DIP2C: variants seen among roughly 807,000 people sequenced by gnomAD.
The protein encoded by DIP2C is DIP2 acetate--CoA ligase C (putative).
DIP2C carries 33 observed loss-of-function variants against 192.4 expected under a neutral mutation model. The observed-to-expected ratio is 0.17, with a 90% confidence interval of 0.13 to 0.23. The LOEUF is 0.23. Among genes scored for constraint, DIP2C ranks in the 10% least tolerant of loss-of-function variants. DIP2C has a pLI of 1.00. For synonymous variants in DIP2C, 979 were observed against 864.1 expected, an observed-to-expected ratio of 1.13 and a Z score of -2.33; for missense variants, 1,537 against 2,110.1, an observed-to-expected ratio of 0.73 and a Z score of 5.32.
chr10:506,724 G>A (rs1157958329), intron 1 of DIP2C, among the ~76,000 whole-genome samples: 7 of 152,164 alleles, frequency 4.6e-5, no homozygotes, highest in Non-Finnish European at 2.9e-5. Context: ...CTATTTGCCG[G>A]CCACAGCCTG....
intron 1 of DIP2C, among the ~76,000 whole-genome samples, chr10:583,983 G>A (rs1366973069): frequency 1.3e-5 from 2 of 152,186 alleles, no homozygotes; most frequent in South Asian, 2.1e-4. Flanking sequence ...GCGGGGGCCA[G>A]GGTGCTGGGT....
At chr10:376,901 T>A (rs1345670848) in intron 17 of DIP2C, among the ~76,000 whole-genome samples, 2 of 152,252 alleles carry the variant, frequency 1.3e-5, no homozygotes, top group African/African-American at 2.4e-5. Flanking sequence ...CCTTTTTCGA[T>A]GTTTAGCGTG....
chr10:548,659 T>C lies in DIP2C; in HGVS notation c.86-62129A>G, dbSNP rs370438715. Among the ~76,000 whole-genome samples, 401 of 145,824 alleles carry C rather than the reference T, an allele frequency of 2.7e-3. 3 individuals carry two copies. Among genetic ancestry groups the C allele is most frequent in the African/African-American group, 9.7e-3 (383 of 39,328 alleles). On this transcript the variant is annotated intron_variant, in intron 1 of 36. Transcript: ENST00000280886. The stretch of plus-strand genomic sequence containing the variant: ...GGAGGAGATGTGGCCAGAGGTGATG[T>C]GGCCGGGGGAGGAGACATGGCTGGA...
chr10:563,332 T>C (rs1490842959), intron 1 of DIP2C, among the ~76,000 whole-genome samples: 1 of 152,176 alleles, frequency 6.6e-6, no homozygotes, highest in Non-Finnish European at 1.5e-5. Flanking sequence ...TCCGTAATGG[T>C]GGTAATAATA....
chr10:541,257 T>C (rs1174464777), intron 1 of DIP2C, among the ~76,000 whole-genome samples: 1 of 152,154 alleles, frequency 6.6e-6, no homozygotes, highest in Non-Finnish European at 1.5e-5. Context: ...AGGTGTCCTC[T>C]GTCACAGACA....
At chr10:280,871 C>A (rs547801885) in intron 36 of DIP2C, among the ~76,000 whole-genome samples, 1 of 152,302 alleles carries the variant, frequency 6.6e-6, no homozygotes, top group African/African-American at 2.4e-5. Flanking sequence ...ATTTTCTGTG[C>A]CTACATATGT....
Position 595,900 on chromosome 10 carries a change from TAAC to T in DIP2C, c.85+93591_85+93593del, listed in dbSNP as rs565211791. ...CCATCGTTCTTGATAAAGGGATGGT[TAAC>T]AAACTAACTGTTCTGATTAGAAAGC... On this transcript the variant is annotated intron_variant, in intron 1 of 36. Transcript: ENST00000280886. 2.3e-3 allele frequency among the ~76,000 whole-genome samples: 349 copies of T among 152,346 alleles called. 3 individuals are homozygous for T. The highest frequency in any genetic ancestry group is 7.8e-3 in the African/African-American group (326 of 41,584).
intron 1 of DIP2C, among the ~76,000 whole-genome samples, chr10:575,868 GAAAC>G (rs1009147222): frequency 6.6e-6 from 1 of 152,222 alleles, no homozygotes; most frequent in African/African-American, 2.4e-5. Context: ...GCAACAATGA[GAAAC>G]AATCTGGTCT....
chr10:605,991 C>T (rs530653538), intron 1 of DIP2C, among the ~76,000 whole-genome samples: 8 of 152,336 alleles, frequency 5.3e-5, no homozygotes, highest in African/African-American at 1.7e-4. Context: ...CCCCCACTTC[C>T]GGCTCCTGTA....
At chr10:423,065 T>C in intron 4 of DIP2C, 32 bp from the exon 5 acceptor site, 1 of 1,552,570 alleles carries the variant, frequency 6.4e-7, no homozygotes, top group Non-Finnish European at 8.7e-7. Context: ...TTGCTGTATG[T>C]TGCAGCAAAA....
intron 3 of DIP2C, among the ~76,000 whole-genome samples, chr10:447,919 C>A (rs1435854984): frequency 3.3e-5 from 4 of 121,644 alleles, no homozygotes; most frequent in Non-Finnish European, 6.3e-5. Flanking sequence ...CCACTCATCC[C>A]TGTCTATACT....
intron 1 of DIP2C, among the ~76,000 whole-genome samples, chr10:487,907 A>G (rs1844142729): frequency 6.6e-6 from 1 of 152,096 alleles, no homozygotes; most frequent in African/African-American, 2.4e-5. Context: ...CACTGACAAC[A>G]AAGGACAATT....
chr10:361,964 CCAAT>C (rs1297719043), intron 22 of DIP2C, among the ~76,000 whole-genome samples: 1 of 151,622 alleles, frequency 6.6e-6, no homozygotes, highest in African/African-American at 2.4e-5. Flanking sequence ...GAAAACTGTG[CCAAT>C]CAAACACCAG....
chr10:498,723 C>T (rs1443600353), intron 1 of DIP2C, among the ~76,000 whole-genome samples: 1 of 152,180 alleles, frequency 6.6e-6, no homozygotes, highest in Non-Finnish European at 1.5e-5. Flanking sequence ...TCCCCAAGTA[C>T]AAAACCTCCT....
At chr10:678,209 A>G (rs1452862578) in intron 1 of DIP2C, among the ~76,000 whole-genome samples, 1 of 152,120 alleles carries the variant, frequency 6.6e-6, no homozygotes, top group Non-Finnish European at 1.5e-5. Flanking sequence ...ATGTCCCCAG[A>G]TACACCAGAC....
At chr10:499,069 ATT>A (rs1230020210) in intron 1 of DIP2C, among the ~76,000 whole-genome samples, 7 of 152,144 alleles carry the variant, frequency 4.6e-5, no homozygotes, top group Non-Finnish European at 1.0e-4. Flanking sequence ...CAGTCCTATT[ATT>A]TTGTTATCCT....
At chr10:409,627 C>T (rs971641431) in intron 8 of DIP2C, among the ~76,000 whole-genome samples, 2 of 152,238 alleles carry the variant, frequency 1.3e-5, no homozygotes, top group Admixed American at 6.5e-5. Context: ...GCAACGGTGT[C>T]ACTGCCACAA....
At chr10:482,154 C>T (rs1296091300) in intron 2 of DIP2C, among the ~76,000 whole-genome samples, 2 of 152,206 alleles carry the variant, frequency 1.3e-5, no homozygotes, top group African/African-American at 2.4e-5. Flanking sequence ...ACGGCCTGAG[C>T]AGAGTTCCTC....
intron 1 of DIP2C, among the ~76,000 whole-genome samples, chr10:583,936 G>A (rs992760615): frequency 1.3e-5 from 2 of 152,162 alleles, no homozygotes; most frequent in Admixed American, 1.3e-4. Context: ...CAGAAGGAGA[G>A]CAGCTTTGAG....
Sources: gnomAD v4.1 joint callset for allele counts (sites outside exome capture counted in the v4.1 genomes callset) on GRCh38, gnomAD v4.1.1 for gene constraint, MANE v1.5 for transcripts, NCBI Gene and HGNC (gene_info 2026-07-23, HGNC 2026-07-21) for gene names.